Variants in ANKRD33B observed in about 807,000 individuals in gnomAD.
ANKRD33B encodes the protein ankyrin repeat domain-containing protein 33B.
ANKRD33B carries 6 observed loss-of-function variants against 21.5 expected under a neutral mutation model. That is an observed-to-expected ratio of 0.28 (90% CI 0.15 to 0.55). ANKRD33B has a LOEUF of 0.55. ANKRD33B is among the 20% of genes least tolerant of loss of function. ANKRD33B has a pLI of 0.94. For synonymous variants in ANKRD33B, 347 were observed against 342.4 expected (o/e 1.01, Z -0.15); for missense variants, 698 against 747.2 (o/e 0.93, Z 0.77).
At chr5:10,583,963 A>C (rs566927311) in intron 1 of ANKRD33B, among the ~76,000 whole-genome samples, 60 of 152,274 alleles carry the variant, frequency 3.9e-4, no homozygotes, top group Admixed American at 9.2e-4. Context: ...GGAGGCATGA[A>C]ATATCCCTCC....
At chr5:10,572,008 C>T (rs1735206531) in intron 1 of ANKRD33B, among the ~76,000 whole-genome samples, 1 of 151,976 alleles carries the variant, frequency 6.6e-6, no homozygotes, top group South Asian at 2.1e-4. Flanking sequence ...CCTGCTTCAG[C>T]CTCCCAAGTA....
intron 1 of ANKRD33B, among the ~76,000 whole-genome samples, chr5:10,568,902 T>C (rs1735115210): frequency 6.6e-6 from 1 of 152,130 alleles, no homozygotes; most frequent in African/African-American, 2.4e-5. Flanking sequence ...ATTGGTTTGT[T>C]TTGTTAGGTC....
At chr5:10,604,389 C>T (rs893715704) in intron 1 of ANKRD33B, among the ~76,000 whole-genome samples, 5 of 149,966 alleles carry the variant, frequency 3.3e-5, no homozygotes, top group South Asian at 2.1e-4. Context: ...GATGGGGTTT[C>T]GCCATGTCGA....
chr5:10,641,386 G>A (rs192125581), intron 3 of ANKRD33B, among the ~76,000 whole-genome samples: 2 of 151,872 alleles, frequency 1.3e-5, no homozygotes, highest in Admixed American at 6.6e-5. Flanking sequence ...CTGCCACCAC[G>A]CACAGCTAAT....
intron 1 of ANKRD33B, among the ~76,000 whole-genome samples, chr5:10,596,188 GC>G (rs1409259735): frequency 1.3e-5 from 2 of 152,146 alleles, no homozygotes; most frequent in African/African-American, 4.8e-5. Flanking sequence ...AAGTTCTGAG[GC>G]ACATGTGCAG....
intron 1 of ANKRD33B, among the ~76,000 whole-genome samples, chr5:10,581,487 C>T (rs1288219169): frequency 3.9e-5 from 6 of 152,212 alleles, no homozygotes; most frequent in Non-Finnish European, 8.8e-5. Flanking sequence ...CTTCTTTACA[C>T]TGCTCATTTT....
chr5:10,624,361 C>T (rs1436846295), intron 2 of ANKRD33B, among the ~76,000 whole-genome samples: 2 of 152,194 alleles, frequency 1.3e-5, no homozygotes, highest in African/African-American at 4.8e-5. Context: ...AACTCCTGAC[C>T]TCAAGTGATC....
At chr5:10,582,643 TC>T (rs1254880043) in intron 1 of ANKRD33B, among the ~76,000 whole-genome samples, 1 of 152,140 alleles carries the variant, frequency 6.6e-6, no homozygotes, top group Non-Finnish European at 1.5e-5. Context: ...TGACTTGCTG[TC>T]CCCCAGCTGT....
chr5:10,586,072 T>A (rs1001447358), intron 1 of ANKRD33B, among the ~76,000 whole-genome samples: 2 of 152,098 alleles, frequency 1.3e-5, no homozygotes, highest in Non-Finnish European at 2.9e-5. Context: ...CTTGGGAGTT[T>A]CTCTGTTGTC....
At chr5:10,637,759 A>G (rs11748573) in intron 2 of ANKRD33B, among the ~76,000 whole-genome samples, 63,561 of 151,536 alleles carry the variant, frequency 0.42, 13,612 homozygotes, top group Middle Eastern at 0.55. Context: ...CCAGTAGTGT[A>G]ATGGGACAGC....
chr5:10,607,904 C>T (rs1736085045), intron 1 of ANKRD33B, among the ~76,000 whole-genome samples: 1 of 152,172 alleles, frequency 6.6e-6, no homozygotes, highest in South Asian at 2.1e-4. Context: ...CTAGGAGGAG[C>T]ACAAATGCCT....
At position 10,579,353 on chromosome 5, in the gene ANKRD33B, G is replaced by GT. The variant is rs11344291; in HGVS notation, c.366+14533dup. ...CATCCAAGAAGCCTGCTAAGTAATGGTTTTTTTTTTTTTGGAAAAACCATT... is the reference window on the plus strand; with the variant it reads ...CATCCAAGAAGCCTGCTAAGTAATGGTTTTTTTTTTTTTTGGAAAAACCATT... On this transcript the variant is annotated intron_variant, in intron 1 of 3. Transcript: ENST00000296657. Among the ~76,000 whole-genome samples the GT allele has an allele frequency of 7.0e-3, 994 of 142,890 alleles. 5 individuals are homozygous for GT. The highest frequency in any genetic ancestry group is 0.017 in the African/African-American group (644 of 38,934). 93.7% of individuals were successfully genotyped at this position (142,890 alleles called of 152,430 possible).
At chr5:10,624,910 G>A in intron 2 of ANKRD33B, 1 of 419,554 alleles carries the variant, frequency 2.4e-6, no homozygotes, top group Non-Finnish European at 4.7e-6. Context: ...CCAAGAATGA[G>A]CAGATCAACA....
chr5:10,634,528 T>C (rs11747665), intron 2 of ANKRD33B, among the ~76,000 whole-genome samples: 62,312 of 149,432 alleles, frequency 0.42, 13,253 homozygotes, highest in Middle Eastern at 0.56. Context: ...GGTGTGATCT[T>C]AGCTCACTGC....
rs566843169 is a variant in ANKRD33B, at chr5:10,576,054, A to C, written c.366+11221A>C. 8.5e-5 allele frequency among the ~76,000 whole-genome samples: 13 copies of C among 152,298 alleles called. No homozygotes were observed. Among genetic ancestry groups the C allele is most frequent in the African/African-American group, 2.9e-4 (12 of 41,564 alleles). ...AGCTGCATGGATTCCAGCAATGTCA[A>C]GTTCGTGGCATTGTTATTGTACAGT... is the stretch of plus-strand genomic sequence containing the variant. On this transcript the variant is annotated intron_variant, in intron 1 of 3. Coordinates refer to ENST00000296657, the MANE Select transcript of ANKRD33B (RefSeq NM_001164440.2). This position sits in a 1 kb window ranked among gnomAD's most constrained non-coding sequence, Gnocchi z 4.1.
Position 10,589,253 on chromosome 5 carries a change from G to GCAGGTCCTGGATGGCTGAC in ANKRD33B, c.366+24436_366+24437insGACCAGGTCCTGGATGGCT, listed in dbSNP as rs373465564. Among the ~76,000 whole-genome samples the GCAGGTCCTGGATGGCTGAC allele has an allele frequency of 3.2e-3, 483 of 152,246 alleles. 4 individuals carry two copies. Among genetic ancestry groups the GCAGGTCCTGGATGGCTGAC allele is most frequent in the African/African-American group, 0.011 (456 of 41,538 alleles). On this transcript the variant is annotated intron_variant, in intron 1 of 3. Transcript: ENST00000296657. Reference sequence around the variant, plus strand: ...CGTTCCCCACCTGCTGGTCGAAGGAGCAGGTCCTGGATGGCTCCTCCCCTC... The same window carrying GCAGGTCCTGGATGGCTGAC: ...CGTTCCCCACCTGCTGGTCGAAGGAGCAGGTCCTGGATGGCTGACCAGGTCCTGGATGGCTCCTCCCCTC...
chr5:10,579,797 GA>G (rs777207498), intron 1 of ANKRD33B, among the ~76,000 whole-genome samples: 4 of 151,748 alleles, frequency 2.6e-5, no homozygotes, highest in African/African-American at 4.8e-5. Flanking sequence ...TGAAAGTGAA[GA>G]AAAAGGAACC....
intron 1 of ANKRD33B, among the ~76,000 whole-genome samples, chr5:10,583,770 CG>C (rs1290223043): frequency 1.3e-5 from 2 of 152,156 alleles, no homozygotes; most frequent in Non-Finnish European, 2.9e-5. Context: ...TTCCAACAGG[CG>C]GTCCTATTCT....
At chr5:10,631,616 T>C (rs1736712341) in intron 2 of ANKRD33B, among the ~76,000 whole-genome samples, 1 of 152,218 alleles carries the variant, frequency 6.6e-6, no homozygotes, top group African/African-American at 2.4e-5. Flanking sequence ...GAACAATGCA[T>C]GCTGAAGGAG....
Sources: allele counts gnomAD v4.1 joint callset (sites outside exome capture counted in the v4.1 genomes callset), GRCh38; gene constraint gnomAD v4.1.1; non-coding constraint Gnocchi (gnomAD v3.1); transcripts MANE v1.5; gene names NCBI Gene and HGNC (gene_info 2026-07-23, HGNC 2026-07-21).